Variants in STK3 observed in about 807,000 individuals in gnomAD.
The protein encoded by STK3 is serine/threonine-protein kinase 3.
In STK3, 41 loss-of-function variants were observed where a neutral mutation model predicts 58.0. The observed-to-expected ratio is 0.71, with a 90% CI of 0.55 to 0.92. The LOEUF (loss-of-function observed/expected upper bound fraction) is 0.92. Among genes scored for constraint, STK3 ranks in the 40% least tolerant of loss-of-function variants. The pLI, the probability that STK3 is intolerant of heterozygous loss-of-function variation, is 0.00. For missense variants in STK3, 479 were observed against 602.7 expected, an observed-to-expected ratio of 0.79 and a Z score of 2.15; for synonymous variants, 170 against 191.0, an observed-to-expected ratio of 0.89 and a Z score of 0.91.
chr8:98,574,556 T>C (rs572121561), intron 8 of STK3, among the ~76,000 whole-genome samples: 74 of 152,284 alleles, frequency 4.9e-4, no homozygotes, highest in African/African-American at 1.7e-3. Flanking sequence ...AACAATTATC[T>C]CAACAAAATG....
At chr8:98,516,911 G>C (rs1824971609) in intron 10 of STK3, among the ~76,000 whole-genome samples, 1 of 151,974 alleles carries the variant, frequency 6.6e-6, no homozygotes, top group African/African-American at 2.4e-5. Context: ...CTCAAATTAA[G>C]ATAGAGAGTT....
chr8:98,415,566 C>T (rs946582430), intron 3 of STK3, among the ~76,000 whole-genome samples: 3 of 152,208 alleles, frequency 2.0e-5, no homozygotes, highest in Admixed American at 1.3e-4. Context: ...GTGCCTGCAA[C>T]CACAATTCTT....
intron 4 of STK3, among the ~76,000 whole-genome samples, chr8:98,734,224 G>A (rs1384779924): frequency 3.9e-5 from 6 of 152,132 alleles, no homozygotes; most frequent in Non-Finnish European, 8.8e-5. Context: ...ATGAGATTTG[G>A]GTGGGAACGT....
intron 8 of STK3, among the ~76,000 whole-genome samples, chr8:98,552,596 T>C (rs1047617071): frequency 6.6e-6 from 1 of 152,136 alleles, no homozygotes; most frequent in African/African-American, 2.4e-5. Flanking sequence ...ATAATTTATT[T>C]AACTCAGGTA....
At chr8:98,355,735 C>T in the STK3 span, among the ~76,000 whole-genome samples, 34 of 152,198 alleles carry the variant, frequency 2.2e-4, no homozygotes, top group Non-Finnish European at 4.4e-4. Flanking sequence ...GCAGAAGGAC[C>T]ACCAGATATT....
chr8:98,706,217 T>G (rs980162705), intron 6 of STK3, among the ~76,000 whole-genome samples: 32 of 152,154 alleles, frequency 2.1e-4, no homozygotes, highest in Non-Finnish European at 3.7e-4. Flanking sequence ...AGCAAAAATT[T>G]TACAAGTATA....
chr8:98,781,788 CA>C (rs1403516816), intron 1 of STK3, among the ~76,000 whole-genome samples: 2 of 148,434 alleles, frequency 1.3e-5, no homozygotes, highest in African/African-American at 5.0e-5. Context: ...TTAACAATGT[CA>C]AAAAAATAAA....
intron 3 of STK3, chr8:98,429,466 T>A: frequency 2.3e-5 from 30 of 1,307,864 alleles, no homozygotes; most frequent in Non-Finnish European, 3.0e-5. Context: ...CTCTTGTGCC[T>A]CTGGCACAGC....
intron 8 of STK3, among the ~76,000 whole-genome samples, chr8:98,575,221 T>G (rs972842884): frequency 3.3e-5 from 5 of 152,088 alleles, no homozygotes; most frequent in African/African-American, 9.7e-5. Context: ...GTAAATAAGG[T>G]GCGGCCAGAG....
At chr8:98,757,020 C>A (rs1830326693) in intron 3 of STK3, among the ~76,000 whole-genome samples, 1 of 151,630 alleles carries the variant, frequency 6.6e-6, no homozygotes, top group Admixed American at 6.6e-5. Flanking sequence ...CCACTTCTTC[C>A]CCCCTCTTTC....
At chr8:98,397,433 G>A (rs948299465), downstream of STK3, among the ~76,000 whole-genome samples, 5 of 152,150 alleles carry the variant, frequency 3.3e-5, no homozygotes, top group African/African-American at 1.2e-4. Flanking sequence ...CTACTTGAAA[G>A]GCTGAGGTGG....
chr8:98,441,204 C>T (rs1432589477), intron 1 of STK3, among the ~76,000 whole-genome samples: 1 of 152,218 alleles, frequency 6.6e-6, no homozygotes, highest in Non-Finnish European at 1.5e-5. Flanking sequence ...TCCAGAGTAA[C>T]TACTCTTATT....
the STK3 span, among the ~76,000 whole-genome samples, chr8:98,358,987 C>T: frequency 7.2e-5 from 11 of 152,184 alleles, 1 homozygote; most frequent in Admixed American, 6.5e-4. Context: ...ACAAACATCT[C>T]CCAGAAGCAA....
chr8:98,654,550 G>GT (rs1270597925), intron 6 of STK3, among the ~76,000 whole-genome samples: 7 of 152,208 alleles, frequency 4.6e-5, no homozygotes, highest in Non-Finnish European at 1.5e-5. Flanking sequence ...AATTGTCCCT[G>GT]TTTGCAGATG....
At chr8:98,697,814 C>G (rs563117792) in intron 6 of STK3, among the ~76,000 whole-genome samples, 2 of 151,962 alleles carry the variant, frequency 1.3e-5, no homozygotes, top group East Asian at 3.9e-4. Context: ...AGGTGTGGTG[C>G]GGTGCTGAAA....
chr8:98,805,331 G>C (rs191539037), intron 1 of STK3, among the ~76,000 whole-genome samples: 1 of 152,284 alleles, frequency 6.6e-6, no homozygotes, highest in Non-Finnish European at 1.5e-5. Context: ...TGTAATCCCA[G>C]CACTTTGGGA....
At chr8:98,879,836 C>A (rs1237002921), downstream of STK3, 1 of 152,132 alleles carries the variant, frequency 6.6e-6, no homozygotes, top group African/African-American at 2.4e-5. Flanking sequence ...ATTAATATAT[C>A]ATTTTATAAC....
At position 98,415,274 on chromosome 8, in the gene STK3, T is replaced by C. The variant is rs577349643; in HGVS notation, n.484-13761A>G. On this transcript the variant is annotated intron_variant and non_coding_transcript_variant, in intron 3 of 3. Coordinates refer to the STK3 transcript ENST00000517832. ...CAGAATTATGACGAATTTCTGTTCT[T>C]TATAAATTATCCAGTCTCGGGTATT... 3.3e-5 allele frequency among the ~76,000 whole-genome samples: 5 copies of C among 152,330 alleles called. No individual in the cohort carries two copies. The South Asian group carries it at 1.0e-3, about 32-fold the overall frequency.
chr8:98,869,022 A>AGAAGGAAG (rs200905250), intron 3 of STK3, among the ~76,000 whole-genome samples: 6,699 of 111,544 alleles, frequency 0.06, 269 homozygotes, highest in South Asian at 0.075. Context: ...GAAAAAGGAA[A>AGAAGGAAG]GAAGGAAGGA....
Sources: gnomAD v4.1 joint callset for allele counts (sites outside exome capture counted in the v4.1 genomes callset) on GRCh38, gnomAD v4.1.1 for gene constraint, MANE v1.5 for transcripts, NCBI Gene and HGNC (gene_info 2026-07-23, HGNC 2026-07-21) for gene names.